The following IGFL2 variants were observed in gnomAD, a reference collection of about 807,000 sequenced individuals.
IGFL2 encodes the protein IGF like family member 2, also known as insulin growth factor-like family member 2.
Under a neutral mutation model 13.9 loss-of-function variants are expected in IGFL2, and 7 were observed. The ratio of observed to expected loss-of-function variants is 0.51; its 90% CI spans 0.29 to 0.95. The LOEUF is 0.95. IGFL2 is among the 40% of genes least tolerant of loss of function. IGFL2 has a pLI of 0.08. For synonymous variants in IGFL2, 55 were observed against 55.8 expected (o/e 0.99, Z 0.07); for missense variants, 138 against 147.8 (o/e 0.93, Z 0.34).
At chr19:46,108,822 A>G in the IGFL2 span, among the ~76,000 whole-genome samples, 1 of 152,244 alleles carries the variant, frequency 6.6e-6, no homozygotes, top group Non-Finnish European at 1.5e-5. Flanking sequence ...GTTTATGGAT[A>G]AAACACGTCT....
upstream of IGFL2, among the ~76,000 whole-genome samples, chr19:46,142,903 T>C (rs1442408669): frequency 2.6e-5 from 4 of 152,212 alleles, no homozygotes; most frequent in African/African-American, 4.8e-5. Context: ...ACAGCAAATA[T>C]TGTTATAGTG....
At chr19:46,176,043 C>T in the IGFL2 span, among the ~76,000 whole-genome samples, 3 of 105,388 alleles carry the variant, frequency 2.8e-5, no homozygotes, top group East Asian at 2.5e-4. Flanking sequence ...TGAGTGGAGA[C>T]GGGGTTTCAC....
chr19:46,088,161 T>A, the IGFL2 span, among the ~76,000 whole-genome samples: 1 of 152,196 alleles, frequency 6.6e-6, no homozygotes, highest in African/African-American at 2.4e-5. Flanking sequence ...TCCCATTACT[T>A]CTCTGTTGAA....
chr19:46,097,633 A>T, the IGFL2 span, among the ~76,000 whole-genome samples: 371 of 152,248 alleles, frequency 2.4e-3, 2 homozygotes, highest in African/African-American at 8.4e-3. Flanking sequence ...TAGCTTTCTG[A>T]TGTAGGGATT....
chr19:46,179,559 G>A, the IGFL2 span: 3 of 152,418 alleles, frequency 2.0e-5, no homozygotes, highest in African/African-American at 7.2e-5. Context: ...GAGCACAGCA[G>A]GAAAGAGGGT....
chr19:46,153,633 T>C (rs1035444052), intron 1 of IGFL2, among the ~76,000 whole-genome samples: 1 of 151,954 alleles, frequency 6.6e-6, no homozygotes, highest in African/African-American at 2.4e-5. Flanking sequence ...TTATACTGTT[T>C]TAATAAGTAG....
the IGFL2 span, among the ~76,000 whole-genome samples, chr19:46,198,680 C>T: frequency 2.0e-5 from 3 of 152,154 alleles, no homozygotes; most frequent in Non-Finnish European, 2.9e-5. Context: ...AGTCTTTGGT[C>T]ACCAAAGCCC....
intron 1 of IGFL2, among the ~76,000 whole-genome samples, 175 bp downstream of exon 1, chr19:46,148,472 G>A (rs763921640): frequency 1.1e-4 from 17 of 152,066 alleles, no homozygotes; most frequent in Non-Finnish European, 5.9e-5. Flanking sequence ...AATTCCAGAA[G>A]CTTAACCCTT....
At chr19:46,137,488 G>A in the IGFL2 span, 1 of 1,152,110 alleles carries the variant, frequency 8.7e-7, no homozygotes, top group Non-Finnish European at 1.3e-6. Flanking sequence ...TGGGCAGGTT[G>A]CCCCTTCTCC....
downstream of IGFL2, chr19:46,161,428 T>G: frequency 4.7e-6 from 1 of 212,656 alleles, no homozygotes; most frequent in African/African-American, 2.3e-5. Context: ...GCTGGAGAGT[T>G]TTTAAGTACA....
the IGFL2 span, among the ~76,000 whole-genome samples, chr19:46,112,727 G>A: frequency 1.3e-5 from 2 of 152,194 alleles, no homozygotes; most frequent in South Asian, 2.1e-4. Flanking sequence ...ACAGCTTGTC[G>A]CTGTGATGGC....
the IGFL2 span, chr19:46,197,346 C>G: frequency 6.2e-6 from 1 of 161,568 alleles, no homozygotes; most frequent in East Asian, 1.6e-4. Flanking sequence ...CTGTTCTGCC[C>G]TGAGTAGAGC....
At chr19:46,087,090 G>A in the IGFL2 span, among the ~76,000 whole-genome samples, 1 of 152,202 alleles carries the variant, frequency 6.6e-6, no homozygotes, top group Non-Finnish European at 1.5e-5. Context: ...GTCCAGGCAG[G>A]CCAATCGTTG....
chr19:46,194,830 T>TTATATATATATATATATATATATATATA, the IGFL2 span, among the ~76,000 whole-genome samples: 2 of 46,780 alleles, frequency 4.3e-5, no homozygotes, highest in Admixed American at 2.7e-4. Flanking sequence ...CTTCCTCATT[T>TTATATATATATATATATATATATATATA]TATATATATA....
At chr19:46,142,101 TAACC>T (rs1466877353), upstream of IGFL2, among the ~76,000 whole-genome samples, 15 of 152,312 alleles carry the variant, frequency 9.8e-5, no homozygotes, top group East Asian at 2.9e-3. Flanking sequence ...AAAATTTACT[TAACC>T]TCTCTGAGCT....
chr19:46,194,749 G>A, the IGFL2 span, among the ~76,000 whole-genome samples: 1 of 149,544 alleles, frequency 6.7e-6, no homozygotes, highest in Admixed American at 6.7e-5. Flanking sequence ...TTGAACCCCG[G>A]GAAGCAGAGA....
upstream of IGFL2, among the ~76,000 whole-genome samples, chr19:46,147,333 C>A (rs909477501): frequency 7.9e-5 from 12 of 152,180 alleles, no homozygotes; most frequent in African/African-American, 2.9e-4. Context: ...ATATACTAGG[C>A]CCATAGCTGG....
At chr19:46,202,727 C>T in the IGFL2 span, 1 of 152,318 alleles carries the variant, frequency 6.6e-6, no homozygotes, top group East Asian at 1.9e-4. Flanking sequence ...AACGTGTCTC[C>T]TCTGTCTCTA....
the IGFL2 span, among the ~76,000 whole-genome samples, chr19:46,115,655 C>G: frequency 3.9e-5 from 6 of 152,212 alleles, no homozygotes; most frequent in East Asian, 1.2e-3. Context: ...ACCCGACTCT[C>G]TGTGTAATTT....
Sources: gnomAD v4.1 joint callset for allele counts (sites outside exome capture counted in the v4.1 genomes callset) on GRCh38, gnomAD v4.1.1 for gene constraint, MANE v1.5 for transcripts, NCBI Gene and HGNC (gene_info 2026-07-23, HGNC 2026-07-21) for gene names.